Variants in LHFPL3 observed in about 807,000 individuals in gnomAD.
LHFPL3 encodes LHFPL tetraspan subfamily member 3.
In LHFPL3, 5 loss-of-function variants were observed where a neutral mutation model predicts 19.3. That is an observed-to-expected ratio of 0.26 (90% confidence interval 0.14 to 0.54). The LOEUF is 0.54. LHFPL3 is among the 20% of genes least tolerant of loss of function. The pLI is 0.94. For synonymous variants in LHFPL3, 133 were observed against 126.2 expected, an observed-to-expected ratio of 1.05 and a Z score of -0.36; for missense variants, 249 against 307.4, an observed-to-expected ratio of 0.81 and a Z score of 1.42.
chr7:104,687,278 C>T (rs964093726), intron 1 of LHFPL3, among the ~76,000 whole-genome samples: 8 of 152,184 alleles, frequency 5.3e-5, no homozygotes, highest in South Asian at 4.1e-4. Flanking sequence ...GGAGAAGGGA[C>T]GCAGAACTTC....
intron 1 of LHFPL3, among the ~76,000 whole-genome samples, chr7:104,727,849 T>C (rs1793619602): frequency 6.6e-6 from 1 of 152,166 alleles, no homozygotes; most frequent in African/African-American, 2.4e-5. Context: ...TACCTTTCTG[T>C]TCTTTAATGT....
intron 1 of LHFPL3, chr7:104,622,961 G>A: frequency 3.1e-6 from 1 of 320,334 alleles, no homozygotes; most frequent in Non-Finnish European, 6.4e-6. Flanking sequence ...ATTTTTATCT[G>A]TCATTTTTAT....
At chr7:104,351,280 G>A (rs141311807) in intron 1 of LHFPL3, among the ~76,000 whole-genome samples, 1 of 152,230 alleles carries the variant, frequency 6.6e-6, no homozygotes, top group African/African-American at 2.4e-5. Flanking sequence ...TCTTCACCTT[G>A]AGTCTGATGT....
chr7:104,532,315 TG>T, intron 1 of LHFPL3, among the ~76,000 whole-genome samples: 3 of 111,862 alleles, frequency 2.7e-5, no homozygotes, highest in African/African-American at 3.2e-5. Context: ...TTTTTCTTTC[TG>T]TCTTTTTTTT....
At chr7:104,753,028 T>C (rs991847307) in intron 2 of LHFPL3, among the ~76,000 whole-genome samples, 4 of 152,214 alleles carry the variant, frequency 2.6e-5, no homozygotes, top group Non-Finnish European at 5.9e-5. Flanking sequence ...TTTTGACAAA[T>C]GAAATCTTTA....
intron 2 of LHFPL3, among the ~76,000 whole-genome samples, chr7:104,745,969 A>C (rs1263809985): frequency 6.6e-6 from 1 of 152,196 alleles, no homozygotes; most frequent in African/African-American, 2.4e-5. Context: ...AAATGCAGTG[A>C]CAGAGGCAGA....
intron 1 of LHFPL3, among the ~76,000 whole-genome samples, chr7:104,478,531 C>A (rs931392729): frequency 6.6e-6 from 1 of 152,156 alleles, no homozygotes; most frequent in Non-Finnish European, 1.5e-5. Context: ...GGGGAACAAG[C>A]AAAGCCTTGA....
At chr7:104,393,453 C>T (rs1372518613) in intron 1 of LHFPL3, among the ~76,000 whole-genome samples, 2 of 152,146 alleles carry the variant, frequency 1.3e-5, no homozygotes, top group African/African-American at 2.4e-5. Flanking sequence ...CATGGTGGCT[C>T]ATGCCTGTAA....
intron 2 of LHFPL3, among the ~76,000 whole-genome samples, chr7:104,782,440 G>T (rs1227775227): frequency 6.6e-6 from 1 of 152,118 alleles, no homozygotes; most frequent in Non-Finnish European, 1.5e-5. Flanking sequence ...ACTCTGAGTG[G>T]GAGGAAGGGA....
intron 2 of LHFPL3, among the ~76,000 whole-genome samples, chr7:104,870,099 G>A (rs1791803712): frequency 6.6e-6 from 1 of 152,064 alleles, no homozygotes; most frequent in African/African-American, 2.4e-5. Flanking sequence ...TGTGGGGTGG[G>A]GGGACGGGGG....
At chr7:104,709,325 G>A (rs1330767096) in intron 1 of LHFPL3, among the ~76,000 whole-genome samples, 2 of 136,898 alleles carry the variant, frequency 1.5e-5, no homozygotes, top group African/African-American at 5.1e-5. Flanking sequence ...GGGAAGGTCA[G>A]CAGATAAACA....
intron 2 of LHFPL3, among the ~76,000 whole-genome samples, chr7:104,760,605 T>C (rs1231610384): frequency 6.9e-6 from 1 of 144,670 alleles, no homozygotes; most frequent in Non-Finnish European, 1.5e-5. Context: ...CATCAAATAT[T>C]TTCCTAGTGT....
intron 2 of LHFPL3, among the ~76,000 whole-genome samples, chr7:104,762,814 C>T (rs1415635907): frequency 1.3e-5 from 2 of 152,124 alleles, no homozygotes; most frequent in East Asian, 1.9e-4. Flanking sequence ...TAAAGGCCCT[C>T]GCTAATAATT....
chr7:104,430,421 T>C (rs1290589820), intron 1 of LHFPL3, among the ~76,000 whole-genome samples: 9 of 11,592 alleles, frequency 7.8e-4, no homozygotes, highest in African/African-American at 1.0e-3. Flanking sequence ...TATATATACA[T>C]ATATATATAT....
intron 1 of LHFPL3, among the ~76,000 whole-genome samples, chr7:104,682,063 T>G (rs1232518279): frequency 6.6e-6 from 1 of 152,182 alleles, no homozygotes. Flanking sequence ...AAAAAAGCCT[T>G]GAAAATATTA....
At chr7:104,603,120 TTCTTTC>T (rs1791012911) in intron 1 of LHFPL3, among the ~76,000 whole-genome samples, 3 of 138,508 alleles carry the variant, frequency 2.2e-5, no homozygotes, top group Non-Finnish European at 4.6e-5. Context: ...CTTTCTTTCT[TTCTTTC>T]TTTCTTTTTT....
intron 1 of LHFPL3, among the ~76,000 whole-genome samples, chr7:104,510,604 AT>A (rs1793790444): frequency 6.6e-6 from 1 of 152,162 alleles, no homozygotes; most frequent in Admixed American, 6.5e-5. Context: ...CATAGTGAAA[AT>A]TCTTTGTAAT....
In LHFPL3 at chr7:104,430,142, G is replaced by T. The variant is rs556886144; in HGVS notation, c.445+100918G>T. Among the ~76,000 whole-genome samples the T allele has an allele frequency of 4.0e-5, 6 of 151,442 alleles. No individual in the cohort carries two copies. The South Asian group carries it at 1.3e-3, about 32-fold the overall frequency. ...TTAAAGACGTTCTTTTAAAAATCTC[G>T]TGCAGGGAAAACATCCTTAGTCTTT... On this transcript the variant is annotated intron_variant, in intron 1 of 2. Coordinates refer to ENST00000424859, the MANE Select transcript of LHFPL3 (RefSeq NM_199000.3).
chr7:104,727,344 C>A (rs1421184608), intron 1 of LHFPL3, among the ~76,000 whole-genome samples: 1 of 152,112 alleles, frequency 6.6e-6, no homozygotes, highest in Non-Finnish European at 1.5e-5. Flanking sequence ...TTCCATTTGT[C>A]AATTTTTGCT....
Sources: allele counts gnomAD v4.1 joint callset (sites outside exome capture counted in the v4.1 genomes callset), GRCh38; gene constraint gnomAD v4.1.1; transcripts MANE v1.5; gene names NCBI Gene and HGNC (gene_info 2026-07-23, HGNC 2026-07-21).